The following DHX35 variants were observed in gnomAD, a reference collection of about 807,000 sequenced individuals.
DHX35 encodes the protein probable ATP-dependent RNA helicase DHX35.
A neutral mutation model predicts 99.6 loss-of-function variants in DHX35; 84 were observed. The ratio of observed to expected loss-of-function variants is 0.84; its 90% CI spans 0.71 to 1.01. The LOEUF is 1.01. Ranked by LOEUF, DHX35 falls within the 50% of genes least tolerant of loss-of-function variation. The pLI is 0.00. For synonymous variants in DHX35, 331 were observed against 316.2 expected (o/e 1.05, Z -0.50); for missense variants, 852 against 888.5 (o/e 0.96, Z 0.52).
intron 18 of DHX35, among the ~76,000 whole-genome samples, chr20:39,025,844 T>C (rs1285797345): frequency 1.3e-5 from 2 of 152,218 alleles, no homozygotes; most frequent in African/African-American, 4.8e-5. Flanking sequence ...GCAGTGACAG[T>C]GACTACTATT....
Position 39,014,837 on chromosome 20 carries a change from G to A in DHX35, c.1348-43G>A, listed in dbSNP as rs193096399. On this transcript the variant is annotated intron_variant, in intron 13 of 21. Coordinates refer to ENST00000252011, the MANE Select transcript of DHX35 (RefSeq NM_021931.4). ...AAACAGCCACATTTTAATGTTTGTT[G>A]CCCAAATAAATTGATTCAGGAAGAT... The A allele has an allele frequency of 5.0e-6, 8 of 1,611,390 alleles. No homozygotes were observed. In the African/African-American group the frequency reaches 9.3e-5, roughly 19 times the overall value.
At chr20:38,981,724 C>T (rs1431912603) in intron 3 of DHX35, among the ~76,000 whole-genome samples, 1 of 152,030 alleles carries the variant, frequency 6.6e-6, no homozygotes, top group African/African-American at 2.4e-5. Flanking sequence ...GGGTGGATCA[C>T]CTGAGGTCAG....
At chr20:39,027,902 G>T (rs1374580588) in intron 18 of DHX35, among the ~76,000 whole-genome samples, 2 of 152,216 alleles carry the variant, frequency 1.3e-5, no homozygotes, top group Non-Finnish European at 2.9e-5. Context: ...ATTCATGGAA[G>T]ATGTTAGCTG....
intron 11 of DHX35, among the ~76,000 whole-genome samples, 186 bp downstream of exon 11, chr20:39,004,093 C>A (rs892110895): frequency 3.3e-5 from 5 of 151,976 alleles, no homozygotes; most frequent in Non-Finnish European, 7.4e-5. Context: ...GATGGAGTCT[C>A]GCTCTGTTGC....
chr20:39,026,765 G>A (rs1045262331), intron 18 of DHX35, among the ~76,000 whole-genome samples: 2 of 152,134 alleles, frequency 1.3e-5, no homozygotes, highest in Non-Finnish European at 2.9e-5. Context: ...ATACACTCAC[G>A]AGAGAGGGAA....
chr20:38,985,328 G>A (rs974258379), intron 4 of DHX35, among the ~76,000 whole-genome samples: 2 of 149,622 alleles, frequency 1.3e-5, no homozygotes, highest in Non-Finnish European at 3.0e-5. Flanking sequence ...TTAAGGTTGC[G>A]GTGAGTTATG....
chr20:39,004,223 C>T (rs181989484), intron 11 of DHX35, among the ~76,000 whole-genome samples: 109 of 152,128 alleles, frequency 7.2e-4, no homozygotes, highest in Non-Finnish European at 1.3e-3. Flanking sequence ...CCACCACACC[C>T]GGCTAATTTT....
At position 39,030,702 on chromosome 20, in the gene DHX35, A is replaced by C. The variant is rs2087034185; in HGVS notation, c.1884-2A>C. On this transcript the variant is annotated splice_acceptor_variant, in intron 19 of 21. Transcript: ENST00000252011. LOFTEE classifies it high-confidence loss of function. ...TCAGACAAAATTCTTCTATGTTCCA[A>C]GGACCATCCGTGATGACCATGAGCT... The C allele has an allele frequency of 6.2e-7, 1 of 1,613,878 alleles. No individual in the cohort carries two copies. Among genetic ancestry groups the C allele is most frequent in the South Asian group, 1.1e-5 (1 of 91,078 alleles).
intron 15 of DHX35, among the ~76,000 whole-genome samples, chr20:39,020,288 A>G (rs1300363781): frequency 1.3e-5 from 2 of 152,326 alleles, no homozygotes; most frequent in Non-Finnish European, 2.9e-5. Flanking sequence ...GTCAGAGCAT[A>G]TAAGTCCATT....
chr20:38,963,028 C>T (rs1330327771), intron 1 of DHX35: 1 of 152,524 alleles, frequency 6.6e-6, no homozygotes, highest in African/African-American at 2.4e-5. Context: ...TAATTGTTGT[C>T]CACTCCGAAT....
Position 38,991,513 on chromosome 20 carries a change from T to C in DHX35, c.510T>C (p.Tyr170=), listed in dbSNP as rs1236061243. The change falls in exon 6 of 22, where the codon TAT becomes TAC. Residue 170 remains tyrosine (Y), a splice_region_variant and synonymous_variant. Coordinates refer to ENST00000252011, the MANE Select transcript of DHX35 (RefSeq NM_021931.4). ...EMMVDPLLTK[Y]SVIMLDEAHE... ...TGGTTGATCCGTTGTTAACAAAATA[T>C]AGGTAAATGTGTTTTTCTTATGATA... is the stretch of plus-strand genomic sequence containing the variant. 1 of 1,613,070 alleles carries C rather than the reference T, an allele frequency of 6.2e-7. No homozygotes were observed. The highest frequency in any genetic ancestry group is 2.2e-5 in the East Asian group (1 of 44,822).
In DHX35 at chr20:38,988,903, G is replaced by A. The variant is rs758937517; in HGVS notation, c.436G>A (p.Ala146Thr). 6.2e-7 allele frequency: 1 copy of A among 1,612,844 alleles called. No individual in the cohort carries two copies. Among genetic ancestry groups the A allele is most frequent in the South Asian group, 1.1e-5 (1 of 91,052 alleles). ...IRFDDCTDQL[A>T]TRIKFLTDGM... ...CTTTGATGACTGCACCGACCAGCTG[G>A]CCACGAGAATTAAGGTAAAGTGCTC... The change falls in exon 5 of 22, where the codon GCC becomes ACC. Residue 146 changes from alanine (A) to threonine (T), a missense_variant. By Grantham distance (58) the Ala-to-Thr change is moderately conservative. Transcript: ENST00000252011.
intron 21 of DHX35, among the ~76,000 whole-genome samples, chr20:39,037,194 C>T (rs1288890018): frequency 1.3e-5 from 2 of 152,158 alleles, no homozygotes; most frequent in East Asian, 1.9e-4. Flanking sequence ...CTAACATTAG[C>T]TGTAGGGGTT....
At chr20:38,984,324 A>T (rs2086218716) in intron 4 of DHX35, among the ~76,000 whole-genome samples, 1 of 152,350 alleles carries the variant, frequency 6.6e-6, no homozygotes, top group East Asian at 1.9e-4. Flanking sequence ...ATATATTTTT[A>T]AAACCCCAAA....
chr20:38,965,508 A>G (rs2085897352), intron 1 of DHX35, among the ~76,000 whole-genome samples: 1 of 152,068 alleles, frequency 6.6e-6, no homozygotes, highest in Admixed American at 6.5e-5. Flanking sequence ...GTGTGCATAC[A>G]CTGGATAGTA....
chr20:38,972,968 G>A (rs149668430), intron 3 of DHX35, among the ~76,000 whole-genome samples: 10 of 152,282 alleles, frequency 6.6e-5, no homozygotes, highest in African/African-American at 1.9e-4. Context: ...AAGGGGTGGG[G>A]TAAAATGAAT....
At chr20:39,025,037 G>A (rs540371689) in intron 17 of DHX35, among the ~76,000 whole-genome samples, 193 bp from the exon 18 acceptor site, 1 of 152,312 alleles carries the variant, frequency 6.6e-6, no homozygotes, top group East Asian at 1.9e-4. Context: ...GAGTGAGGTT[G>A]CAGAGCAGTC....
chr20:38,962,718 T>C (rs974559), intron 1 of DHX35: 137,230 of 392,312 alleles, frequency 0.35, 25,312 homozygotes, highest in African/African-American at 0.51. Context: ...TAAAGCTCCC[T>C]CTCGTGTCTC....
chr20:39,028,425 G>A lies in DHX35; in HGVS notation c.1809G>A (p.Pro603=), dbSNP rs147931803. Residue 603 remains proline, a synonymous_variant, in exon 19 of 22, where the codon CCG becomes CCA. Coordinates refer to ENST00000252011, the MANE Select transcript of DHX35 (RefSeq NM_021931.4). The stretch of plus-strand genomic sequence containing the variant: ...TGTTGGCTGCCTATGTAGGTGACCC[G>A]GATCTGGTTCTGAGGTGCATTGTCT... ...QVPRKSSEGD[P]DLVLRCIVSG... 1.4e-5 allele frequency: 22 copies of A among 1,614,092 alleles called. No individual in the cohort carries two copies. Among genetic ancestry groups the A allele is most frequent in the African/African-American group, 2.7e-5 (2 of 74,934 alleles).
Sources: gnomAD v4.1 joint callset for allele counts (sites outside exome capture counted in the v4.1 genomes callset) on GRCh38, gnomAD v4.1.1 for gene constraint, MANE v1.5 for transcripts, NCBI Gene and HGNC (gene_info 2026-07-23, HGNC 2026-07-21) for gene names.